Variants in MEP1A observed in about 807,000 individuals in gnomAD.
MEP1A encodes meprin A subunit alpha, also known as N-benzoyl-L-tyrosyl-P-amino-benzoic acid hydrolase subunit alpha.
In MEP1A, 68 loss-of-function variants were observed where a neutral mutation model predicts 84.5. That is an observed-to-expected ratio of 0.80 (90% CI 0.66 to 0.98). The LOEUF (loss-of-function observed/expected upper bound fraction) is 0.98, where lower values mean the gene tolerates loss of function less well. Ranked by LOEUF, MEP1A falls within the 50% of genes least tolerant of loss-of-function variation. MEP1A has a pLI of 0.00. For synonymous variants in MEP1A, 337 were observed against 336.8 expected (o/e 1.00, Z -0.01); for missense variants, 887 against 919.9 (o/e 0.96, Z 0.46).
chr6:46,807,569 G>GAAAGAAAGAAAGA (rs1562106673), intron 5 of MEP1A, among the ~76,000 whole-genome samples: 9 of 17,706 alleles, frequency 5.1e-4, no homozygotes, highest in South Asian at 3.0e-3. Context: ...AGAAAGAAAG[G>GAAAGAAAGAAAGA]AAGGAAGGAA....
downstream of MEP1A, among the ~76,000 whole-genome samples, chr6:46,840,035 G>GA (rs56187349): frequency 1.2e-3 from 144 of 116,982 alleles, no homozygotes; most frequent in South Asian, 6.8e-3. Context: ...TAGAGCAAGT[G>GA]AAAAAAAAAA....
At chr6:46,809,317 T>G (rs1411574533) in intron 5 of MEP1A, 103 bp from the exon 6 acceptor site, 1 of 726,502 alleles carries the variant, frequency 1.4e-6, no homozygotes, top group Non-Finnish European at 2.2e-6. Flanking sequence ...ATCATGCACC[T>G]CTGTGGATTT....
Position 46,833,466 on chromosome 6 carries a change from C to G in MEP1A, c.1537C>G (p.Gln513Glu). 6.2e-7 allele frequency: 1 copy of G among 1,614,134 alleles called. No homozygotes were observed. Residue 513 changes from glutamine (Q) to glutamate (E), a missense_variant, in exon 11 of 14, where the codon CAG (glutamine) becomes GAG (glutamate). Transcript: ENST00000230588. ...ACAGGTGATAATTACCATCCTTGAC[C>G]AGGAGCCTGATGTCCGGAACAGGAT... The part of the protein sequence containing the change: ...NRQVIITILD[Q>E]EPDVRNRMSS...
chr6:46,826,414 T>A lies in MEP1A; in HGVS notation c.839T>A (p.Ile280Asn). Residue 280 changes from isoleucine (I) to asparagine (N), a missense_variant, in exon 9 of 14, where the codon ATT becomes AAT. Coordinates refer to ENST00000230588, the MANE Select transcript of MEP1A (RefSeq NM_005588.3). ...GAGAAGGCAAACATCTGTGGAATGA[T>A]TCAGGGCACCAGAGATGACACTGAC... ...TFEKANICGM[I>N]QGTRDDTDWA... 6.2e-7 allele frequency: 1 copy of A among 1,610,468 alleles called. No individual in the cohort carries two copies. Among genetic ancestry groups the A allele is most frequent in the African/African-American group, 1.3e-5 (1 of 75,008 alleles).
chr6:46,794,669 C>A (rs1188502938), intron 3 of MEP1A, among the ~76,000 whole-genome samples: 4 of 152,174 alleles, frequency 2.6e-5, no homozygotes, highest in Non-Finnish European at 5.9e-5. Flanking sequence ...AGAATGGCTG[C>A]ATAGGCAGAG....
intron 7 of MEP1A, among the ~76,000 whole-genome samples, chr6:46,824,784 GAT>G (rs1167032154): frequency 3.3e-5 from 2 of 61,530 alleles, no homozygotes; most frequent in Non-Finnish European, 7.6e-5. Flanking sequence ...TATTTAAATA[GAT>G]GTATTTAAAT....
chr6:46,799,416 G>T (rs1244840348), intron 5 of MEP1A, among the ~76,000 whole-genome samples: 1 of 152,216 alleles, frequency 6.6e-6, no homozygotes, highest in Non-Finnish European at 1.5e-5. Flanking sequence ...ACACATTAAA[G>T]TATTAGTATA....
intron 5 of MEP1A, among the ~76,000 whole-genome samples, chr6:46,807,770 G>GGAAAAAAAGAAAGAAA (rs1296305673): frequency 1.0e-5 from 1 of 97,236 alleles, no homozygotes; most frequent in East Asian, 3.2e-4. Context: ...AAGGGAGAAA[G>GGAAAAAAAGAAAGAAA]GAAAGAAAGA....
chr6:46,834,385 C>T (rs556884469), intron 11 of MEP1A, among the ~76,000 whole-genome samples, 193 bp from the exon 12 acceptor site: 286 of 151,854 alleles, frequency 1.9e-3, no homozygotes, highest in African/African-American at 6.5e-3. Flanking sequence ...TTGCAATTCT[C>T]CTGGAAATAG....
chr6:46,825,366 C>T lies in MEP1A; in HGVS notation c.651C>T (p.Phe217=). The T allele has an allele frequency of 6.2e-7, 1 of 1,613,484 alleles. No homozygotes were observed. Among genetic ancestry groups the T allele is most frequent in the Non-Finnish European group, 8.5e-7 (1 of 1,179,582 alleles). Residue 217 remains phenylalanine (F), a synonymous_variant, in exon 8 of 14, where the codon TTC becomes TTT. Coordinates refer to ENST00000230588, the MANE Select transcript of MEP1A (RefSeq NM_005588.3). ...AGTCTTTGATGCACTACCAGCCTTT[C>T]TCATTTAACAAGAATGCAAGTGTTC... ...DYESLMHYQP[F]SFNKNASVPT... is the part of the protein sequence containing the mutation.
chr6:46,803,999 A>G (rs1767254968), intron 5 of MEP1A, among the ~76,000 whole-genome samples: 1 of 151,710 alleles, frequency 6.6e-6, no homozygotes, highest in African/African-American at 2.4e-5. Flanking sequence ...TACATGCTTC[A>G]TAAGTCTCGC....
In MEP1A at chr6:46,807,512, T is replaced by TAAAGAAAG. The variant is rs60287159; in HGVS notation, c.263-1859_263-1852dup. Among the ~76,000 whole-genome samples the TAAAGAAAG allele has an allele frequency of 1.6e-3, 78 of 49,566 alleles. 8 individuals carry two copies. The highest frequency in any genetic ancestry group is 3.9e-3 in the East Asian group (7 of 1,798). 32.5% of individuals were successfully genotyped at this position (49,566 alleles called of 152,430 possible). A position where few individuals can be genotyped will look rare whatever the true frequency, so the allele number is the denominator to read the frequency against. ...AACAAAGTGAGACCCCCATCTGAAA[T>TAAAGAAAG]AAAGAAAGAAAGAAAGAAAGAAAGA... On this transcript the variant is annotated intron_variant, in intron 5 of 13. Coordinates refer to ENST00000230588, the MANE Select transcript of MEP1A (RefSeq NM_005588.3).
downstream of MEP1A, among the ~76,000 whole-genome samples, chr6:46,840,150 C>T (rs538528711): frequency 2.0e-5 from 3 of 152,060 alleles, no homozygotes; most frequent in South Asian, 4.2e-4. Context: ...CATAAGGTTT[C>T]CTAAGTAGAG....
At chr6:46,797,014 G>A (rs778987973) in intron 3 of MEP1A, among the ~76,000 whole-genome samples, 4 of 152,224 alleles carry the variant, frequency 2.6e-5, no homozygotes, top group Admixed American at 1.3e-4. Context: ...GGGTTAAAGA[G>A]GTTAAGCAAT....
intron 13 of MEP1A, among the ~76,000 whole-genome samples, chr6:46,837,300 C>T (rs1258484289): frequency 5.3e-5 from 8 of 152,200 alleles, no homozygotes; most frequent in Admixed American, 2.0e-4. Flanking sequence ...GCAATAATTT[C>T]ATGATTTATT....
In MEP1A at chr6:46,833,418, C is replaced by T; in HGVS notation, c.1489C>T (p.Leu497=). The part of the protein sequence containing the change: ...HVCSGENDAI[L]EWPVENRQVI... ...GTGCAGTGGGGAGAACGATGCTATC[C>T]TGGAGTGGCCGGTAGAAAACAGACA... The change falls in exon 11 of 14, where the codon CTG becomes TTG. Residue 497 remains leucine, a synonymous_variant. Transcript: ENST00000230588. The T allele has an allele frequency of 6.2e-7, 1 of 1,614,106 alleles. No homozygotes were observed. Among genetic ancestry groups the T allele is most frequent in the Non-Finnish European group, 8.5e-7 (1 of 1,179,986 alleles).
chr6:46,842,533 G>A (rs1228678898), downstream of MEP1A, among the ~76,000 whole-genome samples: 1 of 152,254 alleles, frequency 6.6e-6, no homozygotes, highest in East Asian at 1.9e-4. Context: ...CTAGGATTGG[G>A]AAATTCCAGC....
chr6:46,826,294 T>G, intron 8 of MEP1A, 60 bp from the exon 9 acceptor site: 2 of 1,471,332 alleles, frequency 1.4e-6, no homozygotes, highest in Non-Finnish European at 1.8e-6. Flanking sequence ...GCTTAAGACA[T>G]TAGCTATTTG....
chr6:46,823,829 G>A (rs1581681153), intron 7 of MEP1A, among the ~76,000 whole-genome samples: 1 of 152,270 alleles, frequency 6.6e-6, no homozygotes, highest in African/African-American at 2.4e-5. Flanking sequence ...AAGACCCTCT[G>A]ATCAGTTATT....
Sources: gnomAD v4.1 joint callset for allele counts (sites outside exome capture counted in the v4.1 genomes callset) on GRCh38, gnomAD v4.1.1 for gene constraint, MANE v1.5 for transcripts, NCBI Gene and HGNC (gene_info 2026-07-23, HGNC 2026-07-21) for gene names.